CNTNAP4: variants seen among roughly 807,000 people sequenced by gnomAD.
The protein encoded by CNTNAP4 is contactin associated protein family member 4.
In CNTNAP4, 98 loss-of-function variants were observed where a neutral mutation model predicts 148.4. The ratio of observed to expected loss-of-function variants is 0.66; its 90% CI spans 0.56 to 0.78. The LOEUF (loss-of-function observed/expected upper bound fraction) is 0.78. Ranked by LOEUF, CNTNAP4 falls within the 30% of genes least tolerant of loss-of-function variation. The pLI, the probability that CNTNAP4 is intolerant of heterozygous loss-of-function variation, is 0.00. For missense variants in CNTNAP4, 1,935 were observed against 1,565.6 expected (o/e 1.24, Z -3.98); for synonymous variants, 730 against 565.1 (o/e 1.29, Z -4.14).
intron 2 of CNTNAP4, among the ~76,000 whole-genome samples, chr16:76,353,274 A>G (rs1022183472): frequency 6.6e-6 from 1 of 152,198 alleles, no homozygotes; most frequent in Non-Finnish European, 1.5e-5. Context: ...ATAGTAAGAA[A>G]CAGGGATTAT....
chr16:76,466,177 A>G (rs529654905), intron 9 of CNTNAP4, among the ~76,000 whole-genome samples: 1 of 152,302 alleles, frequency 6.6e-6, no homozygotes, highest in South Asian at 2.1e-4. Flanking sequence ...ATGAGAACAC[A>G]TAATGTTTGT....
chr16:76,381,389 G>A (rs57676347), intron 3 of CNTNAP4, among the ~76,000 whole-genome samples: 6,922 of 152,152 alleles, frequency 0.045, 494 homozygotes, highest in African/African-American at 0.16. Flanking sequence ...GAGACACATG[G>A]CTCTATCTAG....
intron 19 of CNTNAP4, among the ~76,000 whole-genome samples, 176 bp downstream of exon 19, chr16:76,538,516 A>C (rs1006548176): frequency 6.6e-6 from 1 of 152,088 alleles, no homozygotes; most frequent in African/African-American, 2.4e-5. Flanking sequence ...AGGATTATTT[A>C]AAATGATTAA....
intron 1 of CNTNAP4, among the ~76,000 whole-genome samples, chr16:76,295,059 G>T (rs976595228): frequency 2.0e-5 from 3 of 152,182 alleles, no homozygotes; most frequent in African/African-American, 4.8e-5. Context: ...GCTCAGCTTT[G>T]CCACTTCCTG....
At chr16:76,477,888 GGTA>G (rs749496874) in intron 11 of CNTNAP4, among the ~76,000 whole-genome samples, 2 of 152,064 alleles carry the variant, frequency 1.3e-5, no homozygotes, top group Non-Finnish European at 2.9e-5. Context: ...ACAAAAATTA[GGTA>G]ATAAATAAAG....
At chr16:76,311,358 T>G (rs1230618940) in intron 1 of CNTNAP4, among the ~76,000 whole-genome samples, 2 of 152,088 alleles carry the variant, frequency 1.3e-5, no homozygotes, top group Non-Finnish European at 2.9e-5. Flanking sequence ...TTAATGACAA[T>G]GGTAAGTTTT....
chr16:76,524,234 T>C (rs960199661), intron 17 of CNTNAP4, among the ~76,000 whole-genome samples: 2 of 152,186 alleles, frequency 1.3e-5, no homozygotes, highest in African/African-American at 4.8e-5. Context: ...ACCACTTGAT[T>C]GACTTACTTA....
intron 10 of CNTNAP4, among the ~76,000 whole-genome samples, chr16:76,468,011 A>C (rs1816252520): frequency 6.6e-6 from 1 of 152,140 alleles, no homozygotes; most frequent in Non-Finnish European, 1.5e-5. Context: ...ACAACCCATT[A>C]CCATCTTCTC....
chr16:76,390,123 G>A (rs577512361), intron 3 of CNTNAP4, among the ~76,000 whole-genome samples: 1 of 152,282 alleles, frequency 6.6e-6, no homozygotes, highest in Admixed American at 6.5e-5. Flanking sequence ...ATCATCTCCA[G>A]GCAGTCACTG....
intron 3 of CNTNAP4, among the ~76,000 whole-genome samples, chr16:76,368,808 A>T (rs2014457162): frequency 6.6e-6 from 1 of 152,150 alleles, no homozygotes; most frequent in Non-Finnish European, 1.5e-5. Context: ...GTATCCCAGA[A>T]CTTAAGTATA....
chr16:76,495,381 A>C (rs1396386207), intron 14 of CNTNAP4, among the ~76,000 whole-genome samples: 1 of 152,070 alleles, frequency 6.6e-6, no homozygotes, highest in Non-Finnish European at 1.5e-5. Flanking sequence ...TTATCTTAAA[A>C]ATATGTTTAC....
chr16:76,549,788 T>C (rs1030334167), intron 21 of CNTNAP4, among the ~76,000 whole-genome samples: 1 of 151,942 alleles, frequency 6.6e-6, no homozygotes, highest in Non-Finnish European at 1.5e-5. Context: ...TCCTAAATAA[T>C]AGAAATCAGG....
chr16:76,548,243 T>G (rs563016505), intron 21 of CNTNAP4, among the ~76,000 whole-genome samples: 3 of 150,914 alleles, frequency 2.0e-5, no homozygotes, highest in African/African-American at 7.3e-5. Flanking sequence ...TTGCATAAAA[T>G]AGTAAGAGTG....
chr16:76,547,089 T>G (rs1055027033), intron 21 of CNTNAP4, among the ~76,000 whole-genome samples: 7 of 152,210 alleles, frequency 4.6e-5, no homozygotes, highest in Non-Finnish European at 1.0e-4. Context: ...TTGTTCACAA[T>G]GTACATAAAT....
chr16:76,364,233 C>CAAAAAAAAAAAAAAAAAAAAAAAA, intron 3 of CNTNAP4, among the ~76,000 whole-genome samples: 1 of 48,178 alleles, frequency 2.1e-5, no homozygotes, highest in Non-Finnish European at 3.6e-5. Context: ...GATTCCATCT[C>CAAAAAAAAAAAAAAAAAAAAAAAA]AAAAAAAAAA....
chr16:76,287,183 C>A (rs1958923484), intron 1 of CNTNAP4, among the ~76,000 whole-genome samples: 1 of 152,114 alleles, frequency 6.6e-6, no homozygotes, highest in Non-Finnish European at 1.5e-5. Context: ...AAGCAAAGAG[C>A]AAACACTGTA....
At chr16:76,299,035 A>G (rs1447773390) in intron 1 of CNTNAP4, among the ~76,000 whole-genome samples, 5 of 152,104 alleles carry the variant, frequency 3.3e-5, no homozygotes, top group Non-Finnish European at 7.3e-5. Context: ...CTAAAACCAT[A>G]AAAACCCTAG....
intron 8 of CNTNAP4, among the ~76,000 whole-genome samples, chr16:76,458,961 A>G (rs778707525): frequency 6.6e-5 from 10 of 152,306 alleles, no homozygotes; most frequent in Non-Finnish European, 1.2e-4. Flanking sequence ...GCCTTGCCAA[A>G]ATCTATTTTT....
chr16:76,453,763 CT>C (rs2080612879), intron 8 of CNTNAP4, among the ~76,000 whole-genome samples: 1 of 152,002 alleles, frequency 6.6e-6, no homozygotes, highest in Non-Finnish European at 1.5e-5. Context: ...ATTTATATGT[CT>C]TTTTGTTGCT....
Sources: allele counts gnomAD v4.1 joint callset (sites outside exome capture counted in the v4.1 genomes callset), GRCh38; gene constraint gnomAD v4.1.1; transcripts MANE v1.5; gene names NCBI Gene and HGNC (gene_info 2026-07-23, HGNC 2026-07-21).